Variants in ADCY1 observed in about 807,000 individuals in gnomAD.
ADCY1 encodes the protein adenylate cyclase type 1.
A neutral mutation model predicts 105.4 loss-of-function variants in ADCY1; 28 were observed. That is an observed-to-expected ratio of 0.27 (90% CI 0.20 to 0.36). The LOEUF is 0.36. ADCY1 is among the 10% of genes least tolerant of loss of function. The pLI is 1.00. For missense variants in ADCY1, 977 were observed against 1,434.2 expected, an observed-to-expected ratio of 0.68 and a Z score of 5.15; for synonymous variants, 655 against 623.8, an observed-to-expected ratio of 1.05 and a Z score of -0.75.
At chr7:45,596,498 G>A (rs1793078011) in intron 2 of ADCY1, among the ~76,000 whole-genome samples, 2 of 152,154 alleles carry the variant, frequency 1.3e-5, no homozygotes, top group African/African-American at 2.4e-5. Flanking sequence ...GGATCTGGGG[G>A]ACACACCTTG....
chr7:45,603,938 T>G (rs1391269737), intron 2 of ADCY1, among the ~76,000 whole-genome samples: 2 of 152,236 alleles, frequency 1.3e-5, no homozygotes, highest in African/African-American at 4.8e-5. Flanking sequence ...TATCACAGTT[T>G]GTTTAATTGT....
chr7:45,609,443 A>T (rs2115856136), intron 2 of ADCY1, among the ~76,000 whole-genome samples: 1 of 152,236 alleles, frequency 6.6e-6, no homozygotes, highest in East Asian at 1.9e-4. Context: ...GCCGCTGCGG[A>T]GGGGCTTGGA....
chr7:45,711,605 CTGTATA>C (rs1175849395), intron 19 of ADCY1, among the ~76,000 whole-genome samples: 4 of 63,160 alleles, frequency 6.3e-5, no homozygotes, highest in African/African-American at 2.4e-4. Flanking sequence ...GAACTTCGTG[CTGTATA>C]TATATATATA....
Position 45,703,530 on chromosome 7 carries a change from A to T in ADCY1, c.2571+38A>T, listed in dbSNP as rs758255801. ...CCTGCTCCTGGCCAGCACTAGCCCTACACTGCTCTGGCCACCCCACTTGGC... is the reference window on the plus strand; with the variant it reads ...CCTGCTCCTGGCCAGCACTAGCCCTTCACTGCTCTGGCCACCCCACTTGGC... On this transcript the variant is annotated intron_variant, in intron 15 of 19. Transcript: ENST00000297323. The surrounding 1 kb of genome is among the most constrained non-coding windows in gnomAD (Gnocchi z 5.9). The T allele has an allele frequency of 2.2e-5, 36 of 1,613,524 alleles. No homozygotes were observed. The African/African-American group carries it at 4.8e-4, about 22-fold the overall frequency.
intron 8 of ADCY1, among the ~76,000 whole-genome samples, chr7:45,670,626 C>T (rs972122366): frequency 1.3e-5 from 2 of 151,692 alleles, no homozygotes; most frequent in Non-Finnish European, 2.9e-5. Context: ...CCATCATTCC[C>T]TGATCCAGGG....
In ADCY1 at chr7:45,710,719, G is replaced by A. The variant is rs1488656584; in HGVS notation, c.3057+67G>A. The A allele has an allele frequency of 5.2e-6, 8 of 1,538,622 alleles. No individual in the cohort carries two copies. The highest frequency in any genetic ancestry group is 1.3e-5 in the South Asian group (1 of 79,894). ...TTCAGGTGAGGAAACTGAGGCACAG[G>A]GGGCCAGAATTGAATCCCCAGTCTA... is the stretch of plus-strand genomic sequence containing the variant. On this transcript the variant is annotated intron_variant, in intron 19 of 19. Transcript: ENST00000297323. This position sits in a 1 kb window ranked among gnomAD's most constrained non-coding sequence, Gnocchi z 4.7.
chr7:45,576,047 GT>G (rs11339042), intron 1 of ADCY1, among the ~76,000 whole-genome samples: 74,018 of 151,874 alleles, frequency 0.49, 18,365 homozygotes, highest in East Asian at 0.69. Flanking sequence ...GGGCTGGGGA[GT>G]TGGGGGGTGG....
rs147187783 is a variant in ADCY1 at position 45,678,049 on chromosome 7, G to A, written c.1786G>A (p.Glu596Lys). The A allele has an allele frequency of 3.7e-4, 597 of 1,613,910 alleles. No individual in the cohort carries two copies. Among genetic ancestry groups the A allele is most frequent in the Non-Finnish European group, 4.8e-4 (570 of 1,180,018 alleles). The change falls in exon 9 of 20, where the codon GAA (glutamate) becomes AAA (lysine). Residue 596 changes from glutamate to lysine, a missense_variant. Glu to Lys is a moderately conservative substitution (Grantham distance 56). Around this residue, in one of 7 missense-constraint regions of ADCY1, gnomAD observed 275 missense variants for 362.1 expected, o/e 0.76. Transcript: ENST00000297323. Reference sequence around the variant, plus strand: ...CTTTACCCTGAAGTACAAACATGTCGAACGGGAGCAAAAGGTAAGCAACTC... The same window carrying A: ...CTTTACCCTGAAGTACAAACATGTCAAACGGGAGCAAAAGGTAAGCAACTC... ...NFFTLKYKHV[E>K]REQKYHQLQD...
chr7:45,621,751 C>T (rs1032633402), intron 3 of ADCY1, among the ~76,000 whole-genome samples: 1 of 152,104 alleles, frequency 6.6e-6, no homozygotes, highest in Non-Finnish European at 1.5e-5. Flanking sequence ...TATAGTGGTG[C>T]TGGGGGCGTT....
At chr7:45,704,222 C>G (rs183607898) in intron 16 of ADCY1, among the ~76,000 whole-genome samples, 464 of 152,158 alleles carry the variant, frequency 3.0e-3, no homozygotes, top group African/African-American at 0.011. Context: ...GCCTCCAGGC[C>G]CCCCCCACCC....
intron 14 of ADCY1, among the ~76,000 whole-genome samples, chr7:45,693,924 A>G (rs1240305823): frequency 8.4e-6 from 1 of 118,362 alleles, no homozygotes; most frequent in East Asian, 2.5e-4. Context: ...ATGAGATCAC[A>G]TGGACACAGG....
intron 4 of ADCY1, among the ~76,000 whole-genome samples, chr7:45,630,823 C>T (rs1444676219): frequency 6.6e-6 from 1 of 151,870 alleles, no homozygotes; most frequent in African/African-American, 2.4e-5. Flanking sequence ...TTTTTGTTTG[C>T]TTTGTTTTGT....
At position 45,686,853 on chromosome 7, in the gene ADCY1, G is replaced by C. The variant is rs2461122; in HGVS notation, c.2454+180G>C. On this transcript the variant is annotated intron_variant, in intron 14 of 19. Coordinates refer to ENST00000297323, the MANE Select transcript of ADCY1 (RefSeq NM_021116.4). This position sits in a 1 kb window ranked among gnomAD's most constrained non-coding sequence, Gnocchi z 4.3. ...GATGGAGGAGACCTATGCTGGGGGT[G>C]CAGGGAGTGGGAGCCATGCCTCGTG... Among the ~76,000 whole-genome samples the C allele has an allele frequency of 0.59, 89,267 of 152,082 alleles. 26,943 individuals carry two copies. Among genetic ancestry groups the C allele is most frequent in the East Asian group, 0.79 (4,054 of 5,146 alleles).
intron 4 of ADCY1, among the ~76,000 whole-genome samples, chr7:45,640,096 T>C (rs1794495886): frequency 6.6e-6 from 1 of 152,218 alleles, no homozygotes; most frequent in African/African-American, 2.4e-5. Context: ...GCTGACACAG[T>C]ACTGGGCCTC....
At chr7:45,588,262 A>G (rs1248660922) in intron 1 of ADCY1, among the ~76,000 whole-genome samples, 2 of 151,890 alleles carry the variant, frequency 1.3e-5, no homozygotes, top group Non-Finnish European at 2.9e-5. Flanking sequence ...TGTGTGTGAC[A>G]CTTGCTTTAC....
chr7:45,662,028 A>G, intron 7 of ADCY1, 31 bp from the exon 8 acceptor site: 2 of 1,604,302 alleles, frequency 1.2e-6, no homozygotes, highest in Non-Finnish European at 1.7e-6. Flanking sequence ...CATTCACAGC[A>G]TTTCTCCTTG....
chr7:45,660,173 A>G lies in ADCY1; in HGVS notation c.1439A>G (p.His480Arg). 2.5e-6 allele frequency: 4 copies of G among 1,614,192 alleles called. No homozygotes were observed. Among genetic ancestry groups the G allele is most frequent in the East Asian group, 2.2e-5 (1 of 44,882 alleles). Residue 480 changes from histidine (H) to arginine (R), a missense_variant, in exon 7 of 20, where the codon CAT (histidine) becomes CGT (arginine). Physicochemically the swap from His to Arg is conservative, Grantham distance 29. Transcript: ENST00000297323. ...GAAACCTTTTTTATTGTGCCATCCC[A>G]TCGCCGAAAGGTAGGCACCAGAGCC... ...NIETFFIVPS[H>R]RRKIFPGLIL...
In ADCY1 at chr7:45,722,759, C is replaced by G. The variant is rs1785501295; in HGVS notation, c.*8764C>G. On this transcript the variant is annotated 3_prime_UTR_variant, in exon 20 of 20. Coordinates refer to ENST00000297323, the MANE Select transcript of ADCY1 (RefSeq NM_021116.4). Reference sequence around the variant, plus strand: ...GATGTGGGCAAGGGTGTCATTTTCTCGCACAATACAACTCACTGAGGATGC... The same window carrying G: ...GATGTGGGCAAGGGTGTCATTTTCTGGCACAATACAACTCACTGAGGATGC... 6.6e-6 allele frequency: 1 copy of G among 152,560 alleles called. No individual in the cohort carries two copies. Among genetic ancestry groups the G allele is most frequent in the African/African-American group, 2.4e-5 (1 of 41,440 alleles). The allele number at this position is 152,560 out of a possible 1,614,324, so 9.5% of individuals were successfully genotyped here.
intron 2 of ADCY1, among the ~76,000 whole-genome samples, chr7:45,604,502 A>G (rs1395353805): frequency 6.6e-6 from 1 of 152,102 alleles, no homozygotes; most frequent in African/African-American, 2.4e-5. Flanking sequence ...TAATTTTTGC[A>G]TAAGGTATGA....
Sources: allele counts gnomAD v4.1 joint callset (sites outside exome capture counted in the v4.1 genomes callset), GRCh38; gene constraint gnomAD v4.1.1; regional missense constraint gnomAD v4.1.1; non-coding constraint Gnocchi (gnomAD v3.1); transcripts MANE v1.5; gene names NCBI Gene and HGNC (gene_info 2026-07-23, HGNC 2026-07-21).